The following AOPEP variants were observed in gnomAD, a reference collection of about 807,000 sequenced individuals.
AOPEP encodes the protein aminopeptidase O (putative).
In AOPEP, 77 loss-of-function variants were observed where a neutral mutation model predicts 98.1. The ratio of observed to expected loss-of-function variants is 0.78; its 90% CI spans 0.65 to 0.95. The LOEUF (loss-of-function observed/expected upper bound fraction) is 0.95. Ranked by LOEUF, AOPEP falls within the 40% of genes least tolerant of loss-of-function variation. The pLI is 0.00. For missense variants in AOPEP, 1,024 were observed against 1,024.7 expected (o/e 1.00, Z 0.01); for synonymous variants, 346 against 365.3 (o/e 0.95, Z 0.60).
intron 5 of AOPEP, among the ~76,000 whole-genome samples, chr9:94,804,505 C>G (rs1650137884): frequency 6.6e-6 from 1 of 152,120 alleles, no homozygotes; most frequent in African/African-American, 2.4e-5. Context: ...GCATCTTCAC[C>G]CTTCATCCCA....
intron 13 of AOPEP, among the ~76,000 whole-genome samples, chr9:95,033,837 C>T (rs1387270319): frequency 1.3e-5 from 2 of 152,132 alleles, no homozygotes; most frequent in Non-Finnish European, 2.9e-5. Context: ...ATATAGAAGT[C>T]ACAGAAATCA....
Position 94,955,810 on chromosome 9 carries a change from C to A in AOPEP, c.1765-98C>A. 3 of 742,632 alleles carry A rather than the reference C, an allele frequency of 4.0e-6. No individual in the cohort carries two copies. In the South Asian group the frequency reaches 5.5e-5, roughly 14 times the overall value. 46.0% of individuals were successfully genotyped at this position (742,632 alleles called of 1,614,324 possible). A position where few individuals can be genotyped will look rare whatever the true frequency, so the allele number is the denominator to read the frequency against. On this transcript the variant is annotated intron_variant, in intron 8 of 16. Transcript: ENST00000375315. ...CAGGTAGGACGGCACATTCTAGATGCACAAGTGCACTATGGGTTAGGTAGG... is the reference window on the plus strand; with the variant it reads ...CAGGTAGGACGGCACATTCTAGATGAACAAGTGCACTATGGGTTAGGTAGG...
At chr9:94,754,654 T>C (rs922457236) in intron 1 of AOPEP, among the ~76,000 whole-genome samples, 1 of 152,204 alleles carries the variant, frequency 6.6e-6, no homozygotes, top group Non-Finnish European at 1.5e-5. Flanking sequence ...TCCACAAATA[T>C]TTATTGAGAA....
chr9:95,135,980 T>C, the AOPEP span, among the ~76,000 whole-genome samples: 1 of 152,206 alleles, frequency 6.6e-6, no homozygotes, highest in Non-Finnish European at 1.5e-5. Flanking sequence ...AATGGGCCTA[T>C]CTCCTTCACA....
the AOPEP span, among the ~76,000 whole-genome samples, chr9:95,115,666 A>G: frequency 3.6e-4 from 55 of 152,364 alleles, no homozygotes; most frequent in Non-Finnish European, 6.9e-4. Context: ...GATAGATGCT[A>G]TAATCGAACA....
chr9:95,027,726 A>T (rs1029005721), intron 13 of AOPEP, among the ~76,000 whole-genome samples: 1 of 152,216 alleles, frequency 6.6e-6, no homozygotes, highest in Non-Finnish European at 1.5e-5. Context: ...CTATCTCCAA[A>T]AGCCTTGCAA....
chr9:94,842,324 T>C (rs1459821989), intron 5 of AOPEP, among the ~76,000 whole-genome samples: 1 of 151,810 alleles, frequency 6.6e-6, no homozygotes, highest in Non-Finnish European at 1.5e-5. Context: ...ATTGTGCCAC[T>C]TACTCCAGCT....
At chr9:94,794,535 C>G (rs569945219) in intron 4 of AOPEP, among the ~76,000 whole-genome samples, 2 of 152,310 alleles carry the variant, frequency 1.3e-5, no homozygotes, top group East Asian at 3.9e-4. Context: ...TGTTCTCTCT[C>G]TTCTGATGGG....
chr9:94,773,444 G>A (rs1841336475), intron 3 of AOPEP, among the ~76,000 whole-genome samples: 1 of 152,078 alleles, frequency 6.6e-6, no homozygotes, highest in South Asian at 2.1e-4. Flanking sequence ...CCATAAGTAG[G>A]TGGTCTTGAC....
rs1165933228 is a variant in AOPEP at position 95,060,800 on chromosome 9, A to G, written c.2222A>G (p.Gln741Arg). Reference protein sequence around the residue: ...SLQRTYHLQDQDAEVRHRWCE... With the variant: ...SLQRTYHLQDRDAEVRHRWCE... ...CAGAGGACATACCACCTCCAGGATC[A>G]GGATGCAGAGGTAACCAGGAACACT... is the stretch of plus-strand genomic sequence containing the variant. Residue 741 changes from glutamine (Q) to arginine (R), a missense_variant, in exon 14 of 17, where the codon CAG (glutamine) becomes CGG (arginine). Coordinates refer to ENST00000375315, the MANE Select transcript of AOPEP (RefSeq NM_001193329.3). 1 of 1,602,628 alleles carries G rather than the reference A, an allele frequency of 6.2e-7. No homozygotes were observed. Among genetic ancestry groups the G allele is most frequent in the Non-Finnish European group, 8.6e-7 (1 of 1,169,452 alleles).
chr9:94,889,154 C>T lies in AOPEP; in HGVS notation c.1365-34832C>T, dbSNP rs137923484. Among the ~76,000 whole-genome samples the T allele has an allele frequency of 5.4e-3, 826 of 152,212 alleles. 13 individuals are homozygous for T. Among genetic ancestry groups the T allele is most frequent in the South Asian group, 0.045 (215 of 4,818 alleles). On this transcript the variant is annotated intron_variant, in intron 5 of 16. Coordinates refer to ENST00000375315, the MANE Select transcript of AOPEP (RefSeq NM_001193329.3). ...TATTACAGGTGCCCACCACCACGCC[C>T]GGCTAATTTTTGTATTTTTAGTAGA...
the AOPEP span, among the ~76,000 whole-genome samples, chr9:95,098,189 G>A: frequency 6.6e-5 from 10 of 152,166 alleles, no homozygotes; most frequent in Admixed American, 2.6e-4. Flanking sequence ...GGCCAGGCTC[G>A]GTTTTGACTT....
intron 7 of AOPEP, among the ~76,000 whole-genome samples, chr9:94,943,937 A>AAAC (rs1564424162): frequency 3.3e-5 from 5 of 149,866 alleles, no homozygotes; most frequent in African/African-American, 1.3e-4. Flanking sequence ...AAAAAAAAAA[A>AAAC]AAAAAAAAAA....
the AOPEP span, chr9:95,107,227 T>C: frequency 6.2e-7 from 1 of 1,614,182 alleles, no homozygotes; most frequent in Non-Finnish European, 8.5e-7. Context: ...CTGCTGCTTC[T>C]GGACATTGCC....
chr9:94,757,739 CTG>C (rs1333073869), intron 1 of AOPEP, among the ~76,000 whole-genome samples: 3 of 151,978 alleles, frequency 2.0e-5, no homozygotes, highest in Non-Finnish European at 4.4e-5. Flanking sequence ...GGTTTTCCTT[CTG>C]TGTGTGTGTG....
chr9:94,822,427 G>T (rs1289716232), intron 5 of AOPEP, among the ~76,000 whole-genome samples: 2 of 152,072 alleles, frequency 1.3e-5, no homozygotes, highest in Non-Finnish European at 2.9e-5. Flanking sequence ...GCTAAGCTTT[G>T]CTGTTTTTGC....
intron 3 of AOPEP, among the ~76,000 whole-genome samples, chr9:94,787,530 A>G (rs10512235): frequency 0.071 from 10,814 of 152,288 alleles, 580 homozygotes; most frequent in South Asian, 0.25. Flanking sequence ...CAAAAATTCA[A>G]CGCAAATGTA....
intron 5 of AOPEP, among the ~76,000 whole-genome samples, chr9:94,827,179 CCA>C: frequency 6.6e-6 from 1 of 152,098 alleles, no homozygotes; most frequent in East Asian, 1.9e-4. Context: ...CTCTGGAACC[CCA>C]GAGTCATTAG....
chr9:94,918,333 G>C (rs1354500174), intron 5 of AOPEP, among the ~76,000 whole-genome samples: 3 of 152,194 alleles, frequency 2.0e-5, no homozygotes, highest in Non-Finnish European at 2.9e-5. Flanking sequence ...CTAGGAGGAG[G>C]CCTGCTCACC....
Sources: gnomAD v4.1 joint callset for allele counts (sites outside exome capture counted in the v4.1 genomes callset) on GRCh38, gnomAD v4.1.1 for gene constraint, MANE v1.5 for transcripts, NCBI Gene and HGNC (gene_info 2026-07-23, HGNC 2026-07-21) for gene names.